Variants in DGKB observed in about 807,000 individuals in gnomAD.
DGKB encodes diacylglycerol kinase beta, also known as 90 kDa diacylglycerol kinase.
DGKB carries 67 observed loss-of-function variants against 114.3 expected under a neutral mutation model. That is an observed-to-expected ratio of 0.59 (90% CI 0.48 to 0.72). The LOEUF (loss-of-function observed/expected upper bound fraction) is 0.72, where lower values mean the gene tolerates loss of function less well. Among genes scored for constraint, DGKB ranks in the 30% least tolerant of loss-of-function variants. DGKB has a pLI of 0.00. For missense variants in DGKB, 907 were observed against 975.2 expected, an observed-to-expected ratio of 0.93 and a Z score of 0.93; for synonymous variants, 398 against 323.1, an observed-to-expected ratio of 1.23 and a Z score of -2.49.
chr7:14,721,703 C>T (rs1010344779), intron 5 of DGKB, among the ~76,000 whole-genome samples: 3 of 152,054 alleles, frequency 2.0e-5, no homozygotes, highest in Non-Finnish European at 4.4e-5. Context: ...CTAATCAACT[C>T]TTCCTTAAGT....
chr7:14,943,459 T>C (rs1169789428), intron 1 of DGKB, among the ~76,000 whole-genome samples: 2 of 152,000 alleles, frequency 1.3e-5, no homozygotes, highest in Non-Finnish European at 2.9e-5. Flanking sequence ...ACCACTCCAC[T>C]AGATAAGCTT....
chr7:14,772,232 C>G (rs901524518), intron 2 of DGKB, among the ~76,000 whole-genome samples: 3 of 152,242 alleles, frequency 2.0e-5, no homozygotes, highest in Middle Eastern at 3.4e-3. Flanking sequence ...TCATATTTAG[C>G]TTAGAATAAA....
intron 2 of DGKB, among the ~76,000 whole-genome samples, chr7:14,770,596 A>C (rs1366106729): frequency 2.0e-5 from 3 of 152,102 alleles, no homozygotes; most frequent in Admixed American, 6.6e-5. Context: ...GAAGAAGGAA[A>C]ATTTTGCAAA....
chr7:14,854,057 A>T (rs1009994922), intron 1 of DGKB, among the ~76,000 whole-genome samples: 1 of 152,114 alleles, frequency 6.6e-6, no homozygotes, highest in Non-Finnish European at 1.5e-5. Flanking sequence ...CGGTAAGATC[A>T]ACATACTGTT....
chr7:14,510,434 C>T (rs1295583843), intron 20 of DGKB, among the ~76,000 whole-genome samples: 6 of 152,114 alleles, frequency 3.9e-5, no homozygotes, highest in Non-Finnish European at 7.4e-5. Context: ...CCATAAGAAC[C>T]AACTCCCCAT....
At chr7:14,488,288 T>C (rs1378152454) in intron 20 of DGKB, among the ~76,000 whole-genome samples, 1 of 152,154 alleles carries the variant, frequency 6.6e-6, no homozygotes, top group Non-Finnish European at 1.5e-5. Context: ...GCGTACAATA[T>C]GTAGCATTAG....
In DGKB at chr7:14,215,871, AT is replaced by A. The variant is rs954864368; in HGVS notation, c.2123-37721del. On this transcript the variant is annotated intron_variant, in intron 23 of 25. Transcript: ENST00000402815. ...TTCACAAAAGTCAAACATTAAAAAA[AT>A]TTATTTATACAATGTTAAGCATGTT... Among the ~76,000 whole-genome samples the A allele has an allele frequency of 2.0e-5, 3 of 152,302 alleles. No homozygotes were observed. The South Asian group carries it at 6.2e-4, about 32-fold the overall frequency.
chr7:14,850,053 G>A (rs1419232543), intron 1 of DGKB, among the ~76,000 whole-genome samples: 1 of 152,096 alleles, frequency 6.6e-6, no homozygotes, highest in Non-Finnish European at 1.5e-5. Context: ...TGTCAAAAAA[G>A]ACAACAGAAG....
At chr7:14,243,992 C>T (rs753370963) in intron 23 of DGKB, among the ~76,000 whole-genome samples, 38 of 151,962 alleles carry the variant, frequency 2.5e-4, no homozygotes, top group Non-Finnish European at 5.0e-4. Flanking sequence ...TTGATATTTT[C>T]CTTCTATGAA....
rs1840944043 is a variant in DGKB, at chr7:14,793,285, A to T, written c.71-35554T>A. ...ATGTAAAATTGTTTAGATTCAGAAA[A>T]GACAATGGTTGAATTGCTCCCCCGC... On this transcript the variant is annotated intron_variant, in intron 2 of 25. Coordinates refer to ENST00000402815, the MANE Select transcript of DGKB (RefSeq NM_001350709.2). Among the ~76,000 whole-genome samples the T allele has an allele frequency of 2.0e-5, 3 of 152,270 alleles. No homozygotes were observed. The South Asian group carries it at 6.2e-4, about 32-fold the overall frequency.
chr7:14,699,435 A>C (rs1824708549), intron 7 of DGKB, among the ~76,000 whole-genome samples: 1 of 151,860 alleles, frequency 6.6e-6, no homozygotes, highest in Non-Finnish European at 1.5e-5. Context: ...CCCACCTAAG[A>C]CTCAGTTTTC....
intron 2 of DGKB, among the ~76,000 whole-genome samples, chr7:14,835,176 T>G (rs1004709701): frequency 2.0e-5 from 3 of 152,254 alleles, no homozygotes; most frequent in African/African-American, 7.2e-5. Flanking sequence ...AGTTGCAGAT[T>G]CAAGTTTCAG....
rs556123368 is a variant in DGKB at position 14,735,921 on chromosome 7, G to C, written c.322+120C>G. On this transcript the variant is annotated intron_variant, in intron 5 of 25. Transcript: ENST00000402815. ...TGAGTCACACAATCTTATTGTAAAA[G>C]TCTAAACCCTGTAACAAAACAATTT... is the stretch of plus-strand genomic sequence containing the variant. 1.6e-5 allele frequency: 9 copies of C among 569,740 alleles called. No homozygotes were observed. In the Admixed American group the frequency reaches 1.9e-4, roughly 12 times the overall value. The allele number at this position is 569,740 out of a possible 1,614,324, so 35.3% of individuals were successfully genotyped here.
chr7:14,685,283 A>C lies in DGKB; in HGVS notation c.791T>G (p.Met264Arg). 1 of 1,613,844 alleles carries C rather than the reference A, an allele frequency of 6.2e-7. No individual in the cohort carries two copies. The highest frequency in any genetic ancestry group is 8.5e-7 in the Non-Finnish European group (1 of 1,179,748). Residue 264 changes from methionine to arginine, a missense_variant, in exon 10 of 26, where the codon ATG (methionine) becomes AGG (arginine). Met to Arg is a moderately conservative substitution (Grantham distance 91, BLOSUM62 -1). Around this residue, in one of 3 missense-constraint regions of DGKB, gnomAD observed 814 missense variants for 856.6 expected, o/e 0.95. Coordinates refer to ENST00000402815, the MANE Select transcript of DGKB (RefSeq NM_001350709.2). ...KPAYCNLCLN[M>R]LIGVGKQGLC... ...GCCCTGCTTCCCCACGCCAATCAGC[A>C]TGTTCAGGCAAAGGTTGCAATAGGC...
At chr7:14,369,518 C>A (rs1817267611) in intron 21 of DGKB, among the ~76,000 whole-genome samples, 2 of 152,172 alleles carry the variant, frequency 1.3e-5, no homozygotes, top group Non-Finnish European at 2.9e-5. Flanking sequence ...AGTGGTTGAA[C>A]TAATTTACAC....
chr7:14,262,216 C>T lies in DGKB; in HGVS notation c.2122+76299G>A, dbSNP rs886449449. On this transcript the variant is annotated intron_variant, in intron 23 of 25. Coordinates refer to ENST00000402815, the MANE Select transcript of DGKB (RefSeq NM_001350709.2). ...GTAGAAAGAGTTTAGCATAATTGAG[C>T]CCACGTAGAATTTACGTTGTAGAAT... Among the ~76,000 whole-genome samples the T allele has an allele frequency of 2.6e-5, 4 of 152,062 alleles. No homozygotes were observed. In the South Asian group the frequency reaches 8.3e-4, roughly 31 times the overall value.
At chr7:14,845,853 T>A (rs1314322550) in intron 1 of DGKB, among the ~76,000 whole-genome samples, 4 of 151,592 alleles carry the variant, frequency 2.6e-5, no homozygotes, top group Non-Finnish European at 5.9e-5. Flanking sequence ...AAGTGCACTT[T>A]CAGGTACAAA....
chr7:14,891,124 C>A (rs1781158148), intron 1 of DGKB, among the ~76,000 whole-genome samples: 1 of 151,416 alleles, frequency 6.6e-6, no homozygotes, highest in South Asian at 2.1e-4. Flanking sequence ...GAGGAGGTAC[C>A]AGTACTCCCA....
Position 14,738,746 on chromosome 7 carries a change from TTGC to T in DGKB, c.169-2555_169-2553del, listed in dbSNP as rs566863760. Among the ~76,000 whole-genome samples the T allele has an allele frequency of 1.6e-4, 25 of 152,330 alleles. 1 individual carries two copies. The East Asian group carries it at 4.6e-3, about 28-fold the overall frequency. On this transcript the variant is annotated intron_variant, in intron 4 of 25. Transcript: ENST00000402815. ...CATGCATGGTTCATTGTTGTCCTTG[TTGC>T]TGCTTTAAAAGCTGGTAATAAAATG...
Sources: gnomAD v4.1 joint callset for allele counts (sites outside exome capture counted in the v4.1 genomes callset) on GRCh38, gnomAD v4.1.1 for gene constraint, gnomAD v4.1.1 regional missense constraint, MANE v1.5 for transcripts, NCBI Gene and HGNC (gene_info 2026-07-23, HGNC 2026-07-21) for gene names.